The following TMEM240 variants were observed in gnomAD, a reference collection of about 807,000 sequenced individuals.
The protein encoded by TMEM240 is transmembrane protein 240, also known as transmembrane protein C1orf70.
In TMEM240, 3 loss-of-function variants were observed where a neutral mutation model predicts 19.5. The observed-to-expected ratio is 0.15, with a 90% CI of 0.07 to 0.40. The LOEUF (loss-of-function observed/expected upper bound fraction) is 0.40. TMEM240 is among the 10% of genes least tolerant of loss of function. The pLI, the probability that TMEM240 is intolerant of heterozygous loss-of-function variation, is 1.00. For missense variants in TMEM240, 210 were observed against 253.5 expected (o/e 0.83, Z 1.17); for synonymous variants, 123 against 109.3 (o/e 1.13, Z -0.78).
rs1430900552 is a variant in TMEM240, at chr1:1,536,695, CGATCGGACTGGCATCCCA to C, written c.165-916_165-899del. On this transcript the variant is annotated intron_variant, in intron 2 of 3. Coordinates refer to ENST00000378733, the MANE Select transcript of TMEM240 (RefSeq NM_001114748.2). This position sits in a 1 kb window ranked among gnomAD's most constrained non-coding sequence, Gnocchi z 5.4. ...GAAGGTCTCCGGGCCTTGACTCTGC[CGATCGGACTGGCATCCCA>C]GACAGTCAACTCTGGGATCCCTAGT... Among the ~76,000 whole-genome samples, 4 of 152,106 alleles carry C rather than the reference CGATCGGACTGGCATCCCA, an allele frequency of 2.6e-5. No individual in the cohort carries two copies.
chr1:1,535,479 C>T lies in TMEM240; in HGVS notation c.402G>A (p.Leu134=). ...YDGSWTWLPK[L]CSLRELGRRP... ...GCCGGCCCAGCTCCCGCAGGCTGCA[C>T]AGCTTGGGCAGCCAGGTCCACGAGC... Residue 134 remains leucine, a synonymous_variant, in exon 4 of 4, where the codon CTG becomes CTA. Coordinates refer to ENST00000378733, the MANE Select transcript of TMEM240 (RefSeq NM_001114748.2). This position sits in a 1 kb window ranked among gnomAD's most constrained non-coding sequence, Gnocchi z 8.2. 6.5e-7 allele frequency: 1 copy of T among 1,548,196 alleles called. No individual in the cohort carries two copies. The highest frequency in any genetic ancestry group is 8.7e-7 in the Non-Finnish European group (1 of 1,145,838).
rs139349886 is a variant in TMEM240 at position 1,537,777 on chromosome 1, C to A, written c.164+1907G>T. On this transcript the variant is annotated intron_variant, in intron 2 of 3. Transcript: ENST00000378733. Reference sequence around the variant, plus strand: ...CATGGGCCCCGGGAGCGCCACACCCCCGCCCTGTGCACGGTGTGTCACGCG... The same window carrying A: ...CATGGGCCCCGGGAGCGCCACACCCACGCCCTGTGCACGGTGTGTCACGCG... Among the ~76,000 whole-genome samples the A allele has an allele frequency of 1.0e-2, 1,516 of 152,312 alleles. 17 individuals carry two copies. The highest frequency in any genetic ancestry group is 0.018 in the Non-Finnish European group (1,192 of 68,010).
In TMEM240 at chr1:1,535,557, G is replaced by A; in HGVS notation, c.373+32C>T. 4 of 1,543,370 alleles carry A rather than the reference G, an allele frequency of 2.6e-6. No homozygotes were observed. The highest frequency in any genetic ancestry group is 3.5e-6 in the Non-Finnish European group (4 of 1,142,908). On this transcript the variant is annotated intron_variant, in intron 3 of 3. Coordinates refer to ENST00000378733, the MANE Select transcript of TMEM240 (RefSeq NM_001114748.2). This position sits in a 1 kb window ranked among gnomAD's most constrained non-coding sequence, Gnocchi z 8.2. ...GCGGCTGGGGCCGGCCAGGGCGGCA[G>A]CACTCCCGGGCGGCGGGCACGAGGC...
intron 1 of TMEM240, among the ~76,000 whole-genome samples, 198 bp downstream of exon 1, chr1:1,540,092 G>C (rs1160822664): frequency 1.9e-5 from 2 of 102,592 alleles, no homozygotes; most frequent in African/African-American, 7.7e-5. Flanking sequence ...GGGAGTGTGG[G>C]GATCGCAGGT....
chr1:1,538,635 C>A (rs925739132), intron 2 of TMEM240, among the ~76,000 whole-genome samples: 3 of 152,230 alleles, frequency 2.0e-5, no homozygotes, highest in African/African-American at 2.4e-5. Context: ...CAAGCTCTTA[C>A]CCCCTACCCT....
chr1:1,536,942 G>A lies in TMEM240; in HGVS notation c.165-1145C>T, dbSNP rs1434150777. Among the ~76,000 whole-genome samples, 5 of 151,782 alleles carry A rather than the reference G, an allele frequency of 3.3e-5. No individual in the cohort carries two copies. Among genetic ancestry groups the A allele is most frequent in the Non-Finnish European group, 4.4e-5 (3 of 67,978 alleles). On this transcript the variant is annotated intron_variant, in intron 2 of 3. Transcript: ENST00000378733. This position sits in a 1 kb window ranked among gnomAD's most constrained non-coding sequence, Gnocchi z 5.4. Reference sequence around the variant, plus strand: ...ACCTTCCCCTCGGTGACGTAGCAGCGCCTCAGCCTGGTTTTCAGCCGAGAC... The same window carrying A: ...ACCTTCCCCTCGGTGACGTAGCAGCACCTCAGCCTGGTTTTCAGCCGAGAC...
In TMEM240 at chr1:1,535,867, C is replaced by A; in HGVS notation, c.165-70G>T. 7.7e-6 allele frequency: 11 copies of A among 1,421,098 alleles called. No individual in the cohort carries two copies. The highest frequency in any genetic ancestry group is 1.1e-5 in the Non-Finnish European group (11 of 1,033,502). The allele number at this position is 1,421,098 out of a possible 1,614,324, so 88.0% of individuals were successfully genotyped here. A position where few individuals can be genotyped will look rare whatever the true frequency, so the allele number is the denominator to read the frequency against. On this transcript the variant is annotated intron_variant, in intron 2 of 3. Coordinates refer to ENST00000378733, the MANE Select transcript of TMEM240 (RefSeq NM_001114748.2). This position sits in a 1 kb window ranked among gnomAD's most constrained non-coding sequence, Gnocchi z 8.2. ...CCTGGCCTTCCCCCGGGGCGCCTAC[C>A]CCGTGGTGGGGGTGTGACCGCGTCA... is the stretch of plus-strand genomic sequence containing the variant.
At chr1:1,540,216 A>C in intron 1 of TMEM240, 74 bp downstream of exon 1, 1 of 836,924 alleles carries the variant, frequency 1.2e-6, no homozygotes, top group Admixed American at 9.6e-5. Context: ...GCGGTAAACA[A>C]GGCGCGGGAG....
chr1:1,536,911 T>C lies in TMEM240; in HGVS notation c.165-1114A>G, dbSNP rs1392970255. 6.6e-6 allele frequency among the ~76,000 whole-genome samples: 1 copy of C among 151,826 alleles called. No individual in the cohort carries two copies. The highest frequency in any genetic ancestry group is 1.5e-5 in the Non-Finnish European group (1 of 67,958). ...GCTCCTCTCTCCCCAGACCTGCTTCTCCCCCACCTTCCCCTCGGTGACGTA... is the reference window on the plus strand; with the variant it reads ...GCTCCTCTCTCCCCAGACCTGCTTCCCCCCCACCTTCCCCTCGGTGACGTA... On this transcript the variant is annotated intron_variant, in intron 2 of 3. Coordinates refer to ENST00000378733, the MANE Select transcript of TMEM240 (RefSeq NM_001114748.2). This position sits in a 1 kb window ranked among gnomAD's most constrained non-coding sequence, Gnocchi z 5.4.
Position 1,534,928 on chromosome 1 carries a change from C to T in TMEM240, c.*431G>A, listed in dbSNP as rs1020983706. Among the ~76,000 whole-genome samples the T allele has an allele frequency of 2.0e-5, 3 of 151,734 alleles. No individual in the cohort carries two copies. Among genetic ancestry groups the T allele is most frequent in the Non-Finnish European group, 2.9e-5 (2 of 67,876 alleles). On this transcript the variant is annotated 3_prime_UTR_variant, in exon 4 of 4. Transcript: ENST00000378733. ...ACACGCGGGTGCTCCCCTCGCCCCCCTCCCCTCCGCCCAAGCTGGCTGGGG... is the reference window on the plus strand; with the variant it reads ...ACACGCGGGTGCTCCCCTCGCCCCCTTCCCCTCCGCCCAAGCTGGCTGGGG...
chr1:1,539,969 G>A (rs1421450792), intron 1 of TMEM240, among the ~76,000 whole-genome samples, 179 bp from the exon 2 acceptor site: 1 of 125,630 alleles, frequency 8.0e-6, no homozygotes, highest in East Asian at 2.4e-4. Context: ...GCAGGCTGGG[G>A]AGGGGAGCGC....
chr1:1,535,282 C>T lies in TMEM240; in HGVS notation c.*77G>A. Reference sequence around the variant, plus strand: ...AGGGCTGCTGTCCAGTCCCGCCGGCCCGGGCGTCCACGAGGTCCCTTTTAC... The same window carrying T: ...AGGGCTGCTGTCCAGTCCCGCCGGCTCGGGCGTCCACGAGGTCCCTTTTAC... On this transcript the variant is annotated 3_prime_UTR_variant, in exon 4 of 4. Coordinates refer to ENST00000378733, the MANE Select transcript of TMEM240 (RefSeq NM_001114748.2). The surrounding 1 kb of genome is among the most constrained non-coding windows in gnomAD (Gnocchi z 8.2). The T allele has an allele frequency of 6.7e-7, 1 of 1,498,616 alleles. No individual in the cohort carries two copies. Among genetic ancestry groups the T allele is most frequent in the Non-Finnish European group, 9.0e-7 (1 of 1,115,558 alleles). The allele number at this position is 1,498,616 out of a possible 1,614,324, so 92.8% of individuals were successfully genotyped here.
chr1:1,537,556 T>TGGAG (rs1268959436), intron 2 of TMEM240, among the ~76,000 whole-genome samples: 2 of 152,118 alleles, frequency 1.3e-5, no homozygotes, highest in African/African-American at 4.8e-5. Flanking sequence ...CCCTCCTTCC[T>TGGAG]GGAGGGCTCA....
rs1200741253 is a variant in TMEM240, at chr1:1,540,420, C to T, written c.-74G>A. ...CCCCCGGCCCCGGCCCGATGCTGAG[C>T]CCCCGCCGCCTCCGCAGAGGTCAGC... On this transcript the variant is annotated 5_prime_UTR_variant, in exon 1 of 4. Coordinates refer to ENST00000378733, the MANE Select transcript of TMEM240 (RefSeq NM_001114748.2). 14 of 531,994 alleles carry T rather than the reference C, an allele frequency of 2.6e-5. No homozygotes were observed. Among genetic ancestry groups the T allele is most frequent in the Admixed American group, 5.6e-5 (1 of 17,794 alleles). The allele number at this position is 531,994 out of a possible 1,614,324, so 33.0% of individuals were successfully genotyped here. A position where few individuals can be genotyped will look rare whatever the true frequency, so the allele number is the denominator to read the frequency against.
At chr1:1,538,594 C>T (rs551542654) in intron 2 of TMEM240, among the ~76,000 whole-genome samples, 7 of 152,336 alleles carry the variant, frequency 4.6e-5, no homozygotes, top group Non-Finnish European at 8.8e-5. Flanking sequence ...GCCAGGGACA[C>T]GGGGCTCTCT....
Position 1,535,515 on chromosome 1 carries a change from G to A in TMEM240, c.374-8C>T, listed in dbSNP as rs758010368. ...GCCAGGTCCACGAGCCATCTGCGGG[G>A]GGACAGGGGCGGTCAGGCGGCTGGG... On this transcript the variant is annotated splice_polypyrimidine_tract_variant and splice_region_variant and intron_variant, in intron 3 of 3. Coordinates refer to ENST00000378733, the MANE Select transcript of TMEM240 (RefSeq NM_001114748.2). This position sits in a 1 kb window ranked among gnomAD's most constrained non-coding sequence, Gnocchi z 8.2. 8 of 1,541,914 alleles carry A rather than the reference G, an allele frequency of 5.2e-6. No homozygotes were observed. In the African/African-American group the frequency reaches 1.1e-4, roughly 21 times the overall value.
At position 1,540,352 on chromosome 1, in the gene TMEM240, G is replaced by GGGGCC. The variant is rs745554407; in HGVS notation, c.-11_-7dup. The GGGGCC allele has an allele frequency of 1.4e-5, 17 of 1,221,202 alleles. No homozygotes were observed. The highest frequency in any genetic ancestry group is 1.6e-5 in the Non-Finnish European group (16 of 973,268). The allele number at this position is 1,221,202 out of a possible 1,614,324, so 75.6% of individuals were successfully genotyped here. A position where few individuals can be genotyped will look rare whatever the true frequency, so the allele number is the denominator to read the frequency against. The stretch of plus-strand genomic sequence containing the variant: ...GTGTTCGCGCTCATGGACATCGGGC[G>GGGGCC]GGGCCGGGCCGGGCCGGAGCGCCGC... On this transcript the variant is annotated 5_prime_UTR_variant, in exon 1 of 4. Transcript: ENST00000378733.
In TMEM240 at chr1:1,535,010, C is replaced by T. The variant is rs372357944; in HGVS notation, c.*349G>A. ...ACAGCGCCTTCAAACAGATGCTGGCCCGGGCCGCGCGCCTCGCCGCCCCTG... is the reference window on the plus strand; with the variant it reads ...ACAGCGCCTTCAAACAGATGCTGGCTCGGGCCGCGCGCCTCGCCGCCCCTG... On this transcript the variant is annotated 3_prime_UTR_variant, in exon 4 of 4. Coordinates refer to ENST00000378733, the MANE Select transcript of TMEM240 (RefSeq NM_001114748.2). The surrounding 1 kb of genome is among the most constrained non-coding windows in gnomAD (Gnocchi z 8.2). Among the ~76,000 whole-genome samples the T allele has an allele frequency of 1.3e-5, 2 of 151,128 alleles. No individual in the cohort carries two copies. The highest frequency in any genetic ancestry group is 3.0e-5 in the Non-Finnish European group (2 of 67,700).
At chr1:1,539,522 C>G in intron 2 of TMEM240, 162 bp downstream of exon 2, 1 of 641,286 alleles carries the variant, frequency 1.6e-6, no homozygotes, top group Non-Finnish European at 2.7e-6. Flanking sequence ...CCCAGGAGAC[C>G]CCCGCCCACC....
Sources: gnomAD v4.1 joint callset for allele counts (sites outside exome capture counted in the v4.1 genomes callset) on GRCh38, gnomAD v4.1.1 for gene constraint, Gnocchi (gnomAD v3.1) non-coding constraint, MANE v1.5 for transcripts, NCBI Gene and HGNC (gene_info 2026-07-23, HGNC 2026-07-21) for gene names.